The following MAGI2 variants were observed in gnomAD, a reference collection of about 807,000 sequenced individuals.
MAGI2 encodes membrane-associated guanylate kinase, WW and PDZ domain-containing protein 2.
MAGI2 carries 35 observed loss-of-function variants against 133.3 expected under a neutral mutation model. The observed-to-expected ratio is 0.26, with a 90% CI of 0.20 to 0.35. The LOEUF (loss-of-function observed/expected upper bound fraction) is 0.35, where lower values mean the gene tolerates loss of function less well. MAGI2 is among the 10% of genes least tolerant of loss of function. The probability of loss-of-function intolerance (pLI) is 1.00; values close to 1 mark genes in which losing one functional copy is unlikely to be tolerated. For missense variants in MAGI2, 1,636 were observed against 1,863.4 expected (o/e 0.88, Z 2.25); for synonymous variants, 729 against 710.6 (o/e 1.03, Z -0.41).
At chr7:79,237,968 T>C (rs1832069529) in intron 1 of MAGI2, among the ~76,000 whole-genome samples, 1 of 152,208 alleles carries the variant, frequency 6.6e-6, no homozygotes, top group African/African-American at 2.4e-5. Flanking sequence ...TGAAATCTAA[T>C]ATCAGCATAA....
intron 2 of MAGI2, among the ~76,000 whole-genome samples, chr7:78,881,677 T>G (rs1328988135): frequency 1.3e-5 from 2 of 152,010 alleles, no homozygotes; most frequent in Non-Finnish European, 2.9e-5. Context: ...ATGTGGAAAT[T>G]AAACAACTTT....
intron 2 of MAGI2, among the ~76,000 whole-genome samples, chr7:78,781,780 G>A (rs1826420136): frequency 6.6e-6 from 1 of 152,132 alleles, no homozygotes; most frequent in African/African-American, 2.4e-5. Context: ...AGTAAAGAAT[G>A]TTAACATCAG....
chr7:79,389,009 C>A (rs1368291149), intron 1 of MAGI2, among the ~76,000 whole-genome samples: 1 of 152,054 alleles, frequency 6.6e-6, no homozygotes, highest in East Asian at 1.9e-4. Flanking sequence ...CAAAGTTTTA[C>A]TGTGCATACT....
chr7:78,083,479 G>A (rs1446405671), intron 20 of MAGI2, among the ~76,000 whole-genome samples: 1 of 151,424 alleles, frequency 6.6e-6, no homozygotes, highest in Non-Finnish European at 1.5e-5. Context: ...TAATTCAGGA[G>A]TCTCTGTGTG....
intron 2 of MAGI2, among the ~76,000 whole-genome samples, chr7:78,820,159 G>T (rs781101729): frequency 6.6e-6 from 1 of 151,748 alleles, no homozygotes; most frequent in Non-Finnish European, 1.5e-5. Context: ...ATTTAGATTT[G>T]CTATAAAAAA....
intron 1 of MAGI2, among the ~76,000 whole-genome samples, chr7:79,409,462 C>A (rs1846014677): frequency 6.8e-6 from 1 of 147,352 alleles, no homozygotes; most frequent in Non-Finnish European, 1.5e-5. Context: ...ATTTTTCTTT[C>A]TGTTTTTTTT....
intron 3 of MAGI2, chr7:78,616,390 G>T (rs1235300580): frequency 1.3e-5 from 2 of 152,048 alleles, no homozygotes; most frequent in African/African-American, 4.8e-5. Flanking sequence ...TTAGGGAAGG[G>T]TAATTATCAT....
At chr7:78,370,000 T>C (rs1793760570) in intron 6 of MAGI2, among the ~76,000 whole-genome samples, 1 of 152,082 alleles carries the variant, frequency 6.6e-6, no homozygotes, top group African/African-American at 2.4e-5. Context: ...GTATTTTTCT[T>C]GGTAGATATG....
chr7:79,427,004 A>C (rs1005120889), intron 1 of MAGI2, among the ~76,000 whole-genome samples: 1 of 152,186 alleles, frequency 6.6e-6, no homozygotes, highest in Non-Finnish European at 1.5e-5. Context: ...GTCTGATTGC[A>C]GGGCTTTATT....
At chr7:78,514,671 T>A (rs970106468) in intron 4 of MAGI2, among the ~76,000 whole-genome samples, 4 of 152,166 alleles carry the variant, frequency 2.6e-5, no homozygotes, top group African/African-American at 4.8e-5. Flanking sequence ...TGGGGCATTA[T>A]TCACAGGAAA....
intron 4 of MAGI2, among the ~76,000 whole-genome samples, chr7:78,517,261 A>T (rs888678521): frequency 6.6e-6 from 1 of 151,966 alleles, no homozygotes; most frequent in African/African-American, 2.4e-5. Flanking sequence ...CGTACTTGTC[A>T]TTAAATCTAA....
At chr7:79,341,951 G>C (rs1317007151) in intron 1 of MAGI2, among the ~76,000 whole-genome samples, 1 of 152,126 alleles carries the variant, frequency 6.6e-6, no homozygotes, top group Non-Finnish European at 1.5e-5. Flanking sequence ...CCTGGGACTA[G>C]AGTTCTGTTC....
chr7:78,804,185 T>A (rs1180186974), intron 2 of MAGI2, among the ~76,000 whole-genome samples: 1 of 151,704 alleles, frequency 6.6e-6, no homozygotes, highest in African/African-American at 2.4e-5. Context: ...TTCAGTGCAG[T>A]CTGAGTCAGT....
intron 1 of MAGI2, among the ~76,000 whole-genome samples, chr7:79,380,423 C>A (rs848943): frequency 0.48 from 72,437 of 151,520 alleles, 18,174 homozygotes; most frequent in African/African-American, 0.63. Flanking sequence ...AATAGAACAT[C>A]CTTTCTGGTC....
rs1797748761 is a variant in MAGI2 at position 78,534,851 on chromosome 7, A to G, written c.539-13206T>C. 1.3e-5 allele frequency among the ~76,000 whole-genome samples: 2 copies of G among 151,856 alleles called. 1 individual carries two copies. Among genetic ancestry groups the G allele is most frequent in the South Asian group, 4.1e-4 (2 of 4,824 alleles). On this transcript the variant is annotated intron_variant, in intron 3 of 21. Transcript: ENST00000354212. Reference sequence around the variant, plus strand: ...AGTGAAATTAGAAAAAAAAATGAGTAAGGCCAGGTGCAGTGGCTCACGCCT... The same window carrying G: ...AGTGAAATTAGAAAAAAAAATGAGTGAGGCCAGGTGCAGTGGCTCACGCCT...
chr7:78,594,935 T>C (rs980045758), intron 3 of MAGI2, among the ~76,000 whole-genome samples: 2 of 152,190 alleles, frequency 1.3e-5, no homozygotes, highest in East Asian at 1.9e-4. Flanking sequence ...ATCTCAGTTA[T>C]AGATTAATTA....
chr7:78,618,402 T>C (rs1807338434), intron 3 of MAGI2: 1 of 151,980 alleles, frequency 6.6e-6, no homozygotes, highest in Non-Finnish European at 1.5e-5. Flanking sequence ...TGATATATTA[T>C]CAGTTTTGTT....
intron 2 of MAGI2, among the ~76,000 whole-genome samples, chr7:78,651,385 C>T (rs1235292604): frequency 6.6e-6 from 1 of 151,732 alleles, no homozygotes; most frequent in Admixed American, 6.6e-5. Flanking sequence ...TCAATGTCTA[C>T]ATTGTCCTGA....
intron 2 of MAGI2, among the ~76,000 whole-genome samples, chr7:78,736,789 A>T (rs1201860759): frequency 6.6e-6 from 1 of 152,174 alleles, no homozygotes; most frequent in African/African-American, 2.4e-5. Flanking sequence ...GGGGAGTGTC[A>T]GAGTGTCGAA....
Sources: allele counts gnomAD v4.1 joint callset (sites outside exome capture counted in the v4.1 genomes callset), GRCh38; gene constraint gnomAD v4.1.1; transcripts MANE v1.5; gene names NCBI Gene and HGNC (gene_info 2026-07-23, HGNC 2026-07-21).